The following PTPRR variants were observed in gnomAD, a reference collection of about 807,000 sequenced individuals.
PTPRR encodes protein tyrosine phosphatase receptor type R.
A neutral mutation model predicts 77.2 loss-of-function variants in PTPRR; 38 were observed. That is an observed-to-expected ratio of 0.49 (90% CI 0.38 to 0.65). The LOEUF (loss-of-function observed/expected upper bound fraction) is 0.65, where lower values mean the gene tolerates loss of function less well. Among genes scored for constraint, PTPRR ranks in the 30% least tolerant of loss-of-function variants. The pLI is 0.00. For synonymous variants in PTPRR, 299 were observed against 283.1 expected, an observed-to-expected ratio of 1.06 and a Z score of -0.57; for missense variants, 744 against 799.2, an observed-to-expected ratio of 0.93 and a Z score of 0.83.
chr12:70,832,729 A>G (rs1454501209), intron 2 of PTPRR, among the ~76,000 whole-genome samples: 1 of 152,168 alleles, frequency 6.6e-6, no homozygotes, highest in Non-Finnish European at 1.5e-5. Flanking sequence ...TGTGGCCACA[A>G]AGGAATACCT....
At chr12:70,654,249 G>A (rs1886495726) in intron 13 of PTPRR, among the ~76,000 whole-genome samples, 1 of 152,032 alleles carries the variant, frequency 6.6e-6, no homozygotes, top group African/African-American at 2.4e-5. Flanking sequence ...AGCACATAGT[G>A]CTCAAAGCAT....
intron 6 of PTPRR, among the ~76,000 whole-genome samples, chr12:70,731,454 T>C (rs1011752744): frequency 2.6e-5 from 4 of 152,226 alleles, no homozygotes; most frequent in African/African-American, 7.2e-5. Context: ...ATTCTTTCAC[T>C]AATATGGAAC....
chr12:70,765,277 G>A (rs140778558), intron 2 of PTPRR, among the ~76,000 whole-genome samples: 5,019 of 152,242 alleles, frequency 0.033, 121 homozygotes, highest in Middle Eastern at 0.078. Context: ...GGTGACAGAC[G>A]GCACCTGGAA....
chr12:70,706,168 T>C (rs189453408), intron 6 of PTPRR, among the ~76,000 whole-genome samples: 1 of 152,120 alleles, frequency 6.6e-6, no homozygotes, highest in South Asian at 2.1e-4. Flanking sequence ...TCTATGACTT[T>C]TAAGTTCCGA....
At chr12:70,669,400 G>A (rs1887126774) in intron 10 of PTPRR, among the ~76,000 whole-genome samples, 1 of 151,528 alleles carries the variant, frequency 6.6e-6, no homozygotes. Context: ...GGTTTCTACT[G>A]CTGGAACACT....
intron 1 of PTPRR, among the ~76,000 whole-genome samples, chr12:70,901,177 T>C (rs2137126406): frequency 6.6e-6 from 1 of 151,592 alleles, no homozygotes; most frequent in Admixed American, 6.6e-5. Context: ...TGTACAGTCA[T>C]TATGGGAAAT....
chr12:70,828,705 A>T (rs2137048275), intron 2 of PTPRR, among the ~76,000 whole-genome samples: 1 of 152,308 alleles, frequency 6.6e-6, no homozygotes, highest in South Asian at 2.1e-4. Flanking sequence ...TAGCTTTCTG[A>T]ATGTATTCGA....
intron 2 of PTPRR, among the ~76,000 whole-genome samples, chr12:70,771,324 C>T (rs1265756828): frequency 6.6e-6 from 1 of 152,004 alleles, no homozygotes; most frequent in African/African-American, 2.4e-5. Flanking sequence ...CATGTTCTCA[C>T]TTATAAGTGG....
At chr12:70,714,791 C>G (rs1450049700) in intron 6 of PTPRR, among the ~76,000 whole-genome samples, 1 of 151,982 alleles carries the variant, frequency 6.6e-6, no homozygotes, top group Non-Finnish European at 1.5e-5. Context: ...TTGAGACCAG[C>G]CAAGGGAACA....
intron 2 of PTPRR, among the ~76,000 whole-genome samples, chr12:70,812,399 T>C (rs1283364873): frequency 6.6e-6 from 1 of 152,172 alleles, no homozygotes; most frequent in South Asian, 2.1e-4. Flanking sequence ...ACATTAACAC[T>C]GATTTACTAT....
At chr12:70,794,575 A>G (rs1289060984) in intron 2 of PTPRR, among the ~76,000 whole-genome samples, 1 of 152,172 alleles carries the variant, frequency 6.6e-6, no homozygotes, top group Non-Finnish European at 1.5e-5. Context: ...GCAAATATAT[A>G]ACTAACGAAC....
intron 10 of PTPRR, among the ~76,000 whole-genome samples, chr12:70,674,600 C>A (rs2136706046): frequency 6.6e-6 from 1 of 152,200 alleles, no homozygotes; most frequent in South Asian, 2.1e-4. Flanking sequence ...GTAATCGAAG[C>A]ATATATGTAC....
chr12:70,892,740 A>C lies in PTPRR; in HGVS notation c.296T>G (p.Met99Arg), dbSNP rs764740498. The C allele has an allele frequency of 6.2e-7, 1 of 1,613,524 alleles. No individual in the cohort carries two copies. The highest frequency in any genetic ancestry group is 1.7e-5 in the Admixed American group (1 of 59,964). ...TTCCACTTCAAGATCTTGACCATCC[A>C]TGGCCAGCAGATTGAGAGACGGGTC... ...AYDPSLNLLA[M>R]DGQDLEVENL... The change falls in exon 2 of 14, where the codon ATG (methionine) becomes AGG (arginine). Residue 99 changes from methionine to arginine, a missense_variant. Coordinates refer to ENST00000283228, the MANE Select transcript of PTPRR (RefSeq NM_002849.4).
At chr12:70,748,302 A>G (rs957189802) in intron 5 of PTPRR, among the ~76,000 whole-genome samples, 5 of 152,170 alleles carry the variant, frequency 3.3e-5, no homozygotes, top group African/African-American at 9.7e-5. Flanking sequence ...TGTTTCCTCC[A>G]AAGTCTCATG....
At chr12:70,641,064 G>T (rs1422791666) in intron 13 of PTPRR, among the ~76,000 whole-genome samples, 1 of 152,170 alleles carries the variant, frequency 6.6e-6, no homozygotes, top group Non-Finnish European at 1.5e-5. Context: ...TGTGGTAATG[G>T]TTTATCTTCT....
chr12:70,708,233 G>A (rs966792394), intron 6 of PTPRR, among the ~76,000 whole-genome samples: 1 of 152,120 alleles, frequency 6.6e-6, no homozygotes, highest in Non-Finnish European at 1.5e-5. Flanking sequence ...TGAACAGATG[G>A]AGAGCAACAC....
chr12:70,644,421 T>G (rs1191381164), intron 13 of PTPRR, among the ~76,000 whole-genome samples: 1 of 151,868 alleles, frequency 6.6e-6, no homozygotes, highest in Non-Finnish European at 1.5e-5. Flanking sequence ...GGGACCAGAG[T>G]ATGTTAAGAG....
At chr12:70,754,109 C>G in intron 5 of PTPRR, 82 bp downstream of exon 5, 1 of 1,304,264 alleles carries the variant, frequency 7.7e-7, no homozygotes, top group Non-Finnish European at 1.1e-6. Flanking sequence ...AGCATTTTAA[C>G]ATTCATTTGA....
In PTPRR at chr12:70,639,147, C is replaced by A. The variant is rs202121137; in HGVS notation, c.*37G>T. ...CTTGGGTGGGTAATTTGATTAATCA[C>A]CCCAAGAGATTGATGGTCTGACAAG... On this transcript the variant is annotated 3_prime_UTR_variant, in exon 14 of 14. Coordinates refer to ENST00000283228, the MANE Select transcript of PTPRR (RefSeq NM_002849.4). 1.7e-4 allele frequency: 274 copies of A among 1,572,668 alleles called. No homozygotes were observed. In the African/African-American group the frequency reaches 3.5e-3, roughly 20 times the overall value.
Sources: gnomAD v4.1 joint callset for allele counts (sites outside exome capture counted in the v4.1 genomes callset) on GRCh38, gnomAD v4.1.1 for gene constraint, MANE v1.5 for transcripts, NCBI Gene and HGNC (gene_info 2026-07-23, HGNC 2026-07-21) for gene names.